The following FBXO4 variants were observed in gnomAD, a reference collection of about 807,000 sequenced individuals.
FBXO4 encodes F-box protein 4.
FBXO4 carries 36 observed loss-of-function variants against 43.7 expected under a neutral mutation model. The observed-to-expected ratio is 0.82, with a 90% confidence interval of 0.63 to 1.09. The LOEUF is 1.09. Ranked by LOEUF, FBXO4 falls within the 50% of genes least tolerant of loss-of-function variation. The pLI, the probability that FBXO4 is intolerant of heterozygous loss-of-function variation, is 0.00. For missense variants in FBXO4, 435 were observed against 474.1 expected, an observed-to-expected ratio of 0.92 and a Z score of 0.77; for synonymous variants, 180 against 165.6, an observed-to-expected ratio of 1.09 and a Z score of -0.67.
chr5:41,976,599 C>T, the FBXO4 span, among the ~76,000 whole-genome samples: 4 of 152,186 alleles, frequency 2.6e-5, no homozygotes, highest in African/African-American at 9.7e-5. Flanking sequence ...GTCCTGCATC[C>T]AGAGCACACT....
the FBXO4 span, among the ~76,000 whole-genome samples, chr5:41,956,434 G>A: frequency 1.3e-5 from 2 of 152,174 alleles, no homozygotes; most frequent in African/African-American, 4.8e-5. Flanking sequence ...GAAATTGACT[G>A]AAAACATTAA....
the FBXO4 span, among the ~76,000 whole-genome samples, chr5:41,993,127 A>G: frequency 0.053 from 8,030 of 152,270 alleles, 732 homozygotes; most frequent in African/African-American, 0.18. Context: ...TCCTTCATAA[A>G]TTCATTTAAC....
chr5:42,003,669 TC>T, the FBXO4 span, among the ~76,000 whole-genome samples: 1 of 74,588 alleles, frequency 1.3e-5, no homozygotes, highest in African/African-American at 5.5e-5. Context: ...TCCCTCCCCC[TC>T]CCCCCACCCC....
At chr5:41,979,163 T>C in the FBXO4 span, among the ~76,000 whole-genome samples, 21 of 152,326 alleles carry the variant, frequency 1.4e-4, no homozygotes, top group East Asian at 3.7e-3. Context: ...CAAGGTAAGA[T>C]TGGTTAATTG....
the FBXO4 span, among the ~76,000 whole-genome samples, chr5:41,970,518 T>C: frequency 1.3e-5 from 2 of 151,964 alleles, no homozygotes; most frequent in Non-Finnish European, 2.9e-5. Context: ...AAATATTAAT[T>C]GGTGTCAAAA....
chr5:42,007,570 A>C, the FBXO4 span, among the ~76,000 whole-genome samples: 1 of 152,132 alleles, frequency 6.6e-6, no homozygotes, highest in Non-Finnish European at 1.5e-5. Context: ...CTCCTTGATT[A>C]ATCTGAGTAC....
the FBXO4 span, among the ~76,000 whole-genome samples, chr5:41,958,379 C>T: frequency 1.3e-5 from 2 of 152,264 alleles, no homozygotes; most frequent in East Asian, 3.9e-4. Context: ...CGTGATCGCC[C>T]ACCTTGTCCT....
At chr5:41,939,325 G>C in intron 5 of FBXO4, 116 bp from the exon 6 acceptor site, 1 of 909,354 alleles carries the variant, frequency 1.1e-6, no homozygotes, top group Non-Finnish European at 1.6e-6. Flanking sequence ...TTTTCCCTCA[G>C]TTTATGTTTG....
chr5:41,938,849 G>A (rs985762152), intron 5 of FBXO4, among the ~76,000 whole-genome samples: 6 of 152,218 alleles, frequency 3.9e-5, no homozygotes, highest in Non-Finnish European at 8.8e-5. Context: ...TCCTTCCCAT[G>A]TGACTCCCTC....
At chr5:41,966,796 G>A in the FBXO4 span, among the ~76,000 whole-genome samples, 1 of 152,034 alleles carries the variant, frequency 6.6e-6, no homozygotes, top group Non-Finnish European at 1.5e-5. Flanking sequence ...ATGCTTATAG[G>A]AATAGCACTA....
the FBXO4 span, among the ~76,000 whole-genome samples, chr5:42,023,293 G>T: frequency 6.6e-6 from 1 of 152,020 alleles, no homozygotes; most frequent in Non-Finnish European, 1.5e-5. Flanking sequence ...TACCAAGAGG[G>T]TTGAGATCTG....
At chr5:41,955,637 A>T in the FBXO4 span, among the ~76,000 whole-genome samples, 4 of 152,208 alleles carry the variant, frequency 2.6e-5, no homozygotes, top group Non-Finnish European at 5.9e-5. Flanking sequence ...GTTAAAGTTC[A>T]TAGGGCGGAG....
chr5:41,925,375 C>T lies in FBXO4; in HGVS notation c.66C>T (p.Arg22=). 7.3e-7 allele frequency: 1 copy of T among 1,379,010 alleles called. No homozygotes were observed. The allele number at this position is 1,379,010 out of a possible 1,614,324, so 85.4% of individuals were successfully genotyped here. Reference sequence around the variant, plus strand: ...CGCCGCCCTTCAGCGACTGGGGCCGCCTGGAGGCGGCCATCCTCAGCGGCT... The same window carrying T: ...CGCCGCCCTTCAGCGACTGGGGCCGTCTGGAGGCGGCCATCCTCAGCGGCT... ...SPPPPFSDWG[R]LEAAILSGWK... is the part of the protein sequence containing the mutation. Residue 22 remains arginine, a synonymous_variant, in exon 1 of 7, where the codon CGC becomes CGT. Transcript: ENST00000281623.
At chr5:42,023,379 C>T in the FBXO4 span, among the ~76,000 whole-genome samples, 12 of 152,104 alleles carry the variant, frequency 7.9e-5, no homozygotes, top group African/African-American at 2.4e-4. Context: ...TCCTTCAATG[C>T]CTGTGCACCT....
the FBXO4 span, among the ~76,000 whole-genome samples, chr5:41,995,570 G>C: frequency 6.6e-6 from 1 of 152,170 alleles, no homozygotes; most frequent in Admixed American, 6.5e-5. Context: ...GGGCCCATTG[G>C]GTGATGACAG....
At chr5:41,949,815 T>C in the FBXO4 span, among the ~76,000 whole-genome samples, 5 of 152,124 alleles carry the variant, frequency 3.3e-5, no homozygotes, top group Non-Finnish European at 5.9e-5. Flanking sequence ...CTTCAAACTA[T>C]ACTACAAGGC....
At chr5:42,025,692 T>G in the FBXO4 span, among the ~76,000 whole-genome samples, 1 of 152,002 alleles carries the variant, frequency 6.6e-6, no homozygotes, top group South Asian at 2.1e-4. Flanking sequence ...ATTTAAGTCT[T>G]TAATTCATTT....
the FBXO4 span, among the ~76,000 whole-genome samples, chr5:41,958,355 C>T: frequency 4.6e-5 from 7 of 152,202 alleles, no homozygotes; most frequent in Admixed American, 2.0e-4. Context: ...AGGATGGTCT[C>T]GATCTCCTGA....
the FBXO4 span, among the ~76,000 whole-genome samples, chr5:41,997,478 G>A: frequency 6.6e-6 from 1 of 152,122 alleles, no homozygotes; most frequent in African/African-American, 2.4e-5. Context: ...CACCATAATA[G>A]CCCTCACCCT....
Sources: gnomAD v4.1 joint callset for allele counts (sites outside exome capture counted in the v4.1 genomes callset) on GRCh38, gnomAD v4.1.1 for gene constraint, MANE v1.5 for transcripts, NCBI Gene and HGNC (gene_info 2026-07-23, HGNC 2026-07-21) for gene names.